Variants in EPHA6 observed in about 807,000 individuals in gnomAD.
EPHA6 encodes ephrin type-A receptor 6.
In EPHA6, 50 loss-of-function variants were observed where a neutral mutation model predicts 112.0. That is an observed-to-expected ratio of 0.45 (90% CI 0.36 to 0.56). The LOEUF (loss-of-function observed/expected upper bound fraction) is 0.56. Ranked by LOEUF, EPHA6 falls within the 20% of genes least tolerant of loss-of-function variation. EPHA6 has a pLI of 0.00. For missense variants in EPHA6, 1,280 were observed against 1,417.4 expected (o/e 0.90, Z 1.56); for synonymous variants, 529 against 490.7 (o/e 1.08, Z -1.03).
chr3:97,330,275 G>A (rs2082717257), intron 5 of EPHA6, among the ~76,000 whole-genome samples: 1 of 152,078 alleles, frequency 6.6e-6, no homozygotes. Context: ...TTGTTCTTTA[G>A]GCTTAGGATT....
chr3:97,203,216 T>C (rs1026348020), intron 3 of EPHA6, among the ~76,000 whole-genome samples: 1 of 152,144 alleles, frequency 6.6e-6, no homozygotes. Flanking sequence ...GTCAAAATTA[T>C]GTTGTAAGGT....
At chr3:97,649,980 T>C (rs555298678) in intron 14 of EPHA6, among the ~76,000 whole-genome samples, 1 of 152,226 alleles carries the variant, frequency 6.6e-6, no homozygotes, top group South Asian at 2.1e-4. Flanking sequence ...AATCTGACAG[T>C]TTTTATATAC....
chr3:97,099,486 T>C lies in EPHA6; in HGVS notation c.1114+111493T>C, dbSNP rs903820812. Reference sequence around the variant, plus strand: ...TTAGATATTTCTTAATAAGTACCTTTTACTAATTGTGATAGTGTGTTATGT... The same window carrying C: ...TTAGATATTTCTTAATAAGTACCTTCTACTAATTGTGATAGTGTGTTATGT... On this transcript the variant is annotated intron_variant, in intron 3 of 17. Transcript: ENST00000389672. Among the ~76,000 whole-genome samples, 109 of 141,496 alleles carry C rather than the reference T, an allele frequency of 7.7e-4. 1 individual carries two copies. Among genetic ancestry groups the C allele is most frequent in the African/African-American group, 3.1e-3 (106 of 34,254 alleles). 92.8% of individuals were successfully genotyped at this position (141,496 alleles called of 152,430 possible). A position where few individuals can be genotyped will look rare whatever the true frequency, so the allele number is the denominator to read the frequency against.
In EPHA6 at chr3:96,987,829, G is replaced by A. The variant is rs1360233986; in HGVS notation, c.950G>A (p.Arg317Lys). 6.2e-6 allele frequency: 10 copies of A among 1,613,774 alleles called. No homozygotes were observed. The highest frequency in any genetic ancestry group is 6.8e-6 in the Non-Finnish European group (8 of 1,179,870). Residue 317 changes from arginine to lysine, a missense_variant, in exon 3 of 18, where the codon AGG (arginine) becomes AAG (lysine). Coordinates refer to ENST00000389672, the MANE Select transcript of EPHA6 (RefSeq NM_001080448.3). ...NLAMFPDTIP[R>K]VDSSSLVEVR... ...GCCATGTTTCCTGATACCATTCCAAGGGTTGATTCCTCCTCTTTGGTTGAA... is the reference window on the plus strand; with the variant it reads ...GCCATGTTTCCTGATACCATTCCAAAGGTTGATTCCTCCTCTTTGGTTGAA...
chr3:97,458,067 CAAAAAAAAAA>C (rs68128372), intron 7 of EPHA6, among the ~76,000 whole-genome samples: 26 of 50,588 alleles, frequency 5.1e-4, no homozygotes, highest in African/African-American at 2.2e-3. Context: ...GACTCCGTCT[CAAAAAAAAAA>C]AAAAAAAAAA....
intron 3 of EPHA6, among the ~76,000 whole-genome samples, chr3:97,113,499 C>T (rs1200435704): frequency 2.6e-5 from 4 of 152,082 alleles, no homozygotes; most frequent in African/African-American, 9.7e-5. Context: ...CAGGCTCCAC[C>T]TTGTGTGAAC....
chr3:97,265,048 G>C (rs2079628430), intron 5 of EPHA6, among the ~76,000 whole-genome samples: 1 of 152,140 alleles, frequency 6.6e-6, no homozygotes, highest in Non-Finnish European at 1.5e-5. Context: ...TAAGCTATCA[G>C]CAGAGAGGTT....
At chr3:97,599,404 A>G (rs1485630311) in intron 12 of EPHA6, among the ~76,000 whole-genome samples, 2 of 145,598 alleles carry the variant, frequency 1.4e-5, no homozygotes, top group African/African-American at 5.1e-5. Context: ...TTTTAGGTCT[A>G]ACGTTTAAAT....
chr3:96,924,722 AG>A (rs1345373840), intron 2 of EPHA6, among the ~76,000 whole-genome samples: 1 of 152,168 alleles, frequency 6.6e-6, no homozygotes, highest in Non-Finnish European at 1.5e-5. Flanking sequence ...ATGGTATTCA[AG>A]GGAAATGCTT....
intron 6 of EPHA6, among the ~76,000 whole-genome samples, chr3:97,425,509 C>G (rs2089042475): frequency 1.3e-5 from 2 of 152,196 alleles, no homozygotes; most frequent in Non-Finnish European, 2.9e-5. Flanking sequence ...TGCAGGGCAC[C>G]AAGTCCCTAG....
intron 10 of EPHA6, among the ~76,000 whole-genome samples, chr3:97,490,784 G>A (rs1643034575): frequency 6.6e-6 from 1 of 152,124 alleles, no homozygotes; most frequent in Non-Finnish European, 1.5e-5. Flanking sequence ...AGTGTCAGTG[G>A]CTCAGGATTC....
intron 14 of EPHA6, among the ~76,000 whole-genome samples, chr3:97,661,161 G>A (rs1007135580): frequency 6.6e-6 from 1 of 152,096 alleles, no homozygotes; most frequent in Non-Finnish European, 1.5e-5. Context: ...ATCTTTCTGA[G>A]TCCTCATATT....
chr3:97,632,213 G>A (rs1476695802), intron 13 of EPHA6, among the ~76,000 whole-genome samples: 1 of 152,046 alleles, frequency 6.6e-6, no homozygotes, highest in Admixed American at 6.6e-5. Context: ...CATACTGAAA[G>A]TTTGAAAAGC....
chr3:96,819,315 A>G (rs898886673), intron 1 of EPHA6, among the ~76,000 whole-genome samples: 7 of 152,072 alleles, frequency 4.6e-5, no homozygotes, highest in South Asian at 2.1e-4. Flanking sequence ...AAAATATTAG[A>G]GTAGAAAGCC....
intron 2 of EPHA6, among the ~76,000 whole-genome samples, chr3:96,977,321 C>A (rs556697185): frequency 2.0e-5 from 3 of 152,002 alleles, no homozygotes; most frequent in Non-Finnish European, 2.9e-5. Flanking sequence ...ATAATGTGCA[C>A]ACATAGATGT....
intron 2 of EPHA6, among the ~76,000 whole-genome samples, chr3:96,899,330 GT>G (rs979732857): frequency 1.6e-4 from 25 of 152,170 alleles, no homozygotes; most frequent in African/African-American, 6.0e-4. Flanking sequence ...GACTTGGGGA[GT>G]TCCCTAATTC....
intron 5 of EPHA6, among the ~76,000 whole-genome samples, chr3:97,327,259 T>G (rs2108804582): frequency 6.6e-6 from 1 of 152,164 alleles, no homozygotes; most frequent in South Asian, 2.1e-4. Flanking sequence ...TTTTCATGAG[T>G]GCAATTCTTA....
In EPHA6 at chr3:97,541,096, A is replaced by T. The variant is rs1480980469; in HGVS notation, c.2386+8553A>T. On this transcript the variant is annotated intron_variant, in intron 11 of 17. Coordinates refer to ENST00000389672, the MANE Select transcript of EPHA6 (RefSeq NM_001080448.3). ...TAAAAATCTTCATCACTGAAAATTTAACAGACCCCCTTTTAATGCAATTTC... is the reference window on the plus strand; with the variant it reads ...TAAAAATCTTCATCACTGAAAATTTTACAGACCCCCTTTTAATGCAATTTC... Among the ~76,000 whole-genome samples, 3 of 152,146 alleles carry T rather than the reference A, an allele frequency of 2.0e-5. No individual in the cohort carries two copies. In the East Asian group the frequency reaches 5.8e-4, roughly 29 times the overall value.
At chr3:96,898,984 C>A (rs1215413498) in intron 2 of EPHA6, among the ~76,000 whole-genome samples, 1 of 150,512 alleles carries the variant, frequency 6.6e-6, no homozygotes, top group African/African-American at 2.4e-5. Flanking sequence ...GTTGAGATCG[C>A]GCCACTGCAC....
Sources: gnomAD v4.1 joint callset for allele counts (sites outside exome capture counted in the v4.1 genomes callset) on GRCh38, gnomAD v4.1.1 for gene constraint, MANE v1.5 for transcripts, NCBI Gene and HGNC (gene_info 2026-07-23, HGNC 2026-07-21) for gene names.